RAB31: variants seen among roughly 807,000 people sequenced by gnomAD.
The protein encoded by RAB31 is RAB31, member RAS oncogene family.
Under a neutral mutation model 25.6 loss-of-function variants are expected in RAB31, and 21 were observed. That is an observed-to-expected ratio of 0.82 (90% CI 0.58 to 1.18). The LOEUF (loss-of-function observed/expected upper bound fraction) is 1.18, where lower values mean the gene tolerates loss of function less well. Ranked by LOEUF, RAB31 falls within the 50% of genes most tolerant of loss-of-function variation. The pLI is 0.00. For missense variants in RAB31, 196 were observed against 250.1 expected, an observed-to-expected ratio of 0.78 and a Z score of 1.46; for synonymous variants, 87 against 84.0, an observed-to-expected ratio of 1.04 and a Z score of -0.20.
rs3039670 is a variant in RAB31 at position 9,801,284 on chromosome 18, A to ATTT, written c.201+9063_201+9065dup. ...CATTCATGTACAATTCTTTGTGTAG[A>ATTT]TTTTTTTTTTTTTTTTGAGATGGAG... is the stretch of plus-strand genomic sequence containing the variant. On this transcript the variant is annotated intron_variant, in intron 3 of 6. Transcript: ENST00000578921. Among the ~76,000 whole-genome samples, 102 of 141,180 alleles carry ATTT rather than the reference A, an allele frequency of 7.2e-4. 1 individual carries two copies. Among genetic ancestry groups the ATTT allele is most frequent in the African/African-American group, 2.2e-3 (86 of 38,312 alleles). The allele number at this position is 141,180 out of a possible 152,430, so 92.6% of individuals were successfully genotyped here.
intron 5 of RAB31, among the ~76,000 whole-genome samples, chr18:9,840,975 G>T (rs62081250): frequency 0.35 from 53,049 of 151,542 alleles, 10,678 homozygotes; most frequent in Non-Finnish European, 0.45. Context: ...TTACCCAAGC[G>T]AGAGTGCAGT....
chr18:9,819,376 A>T (rs1483745185), intron 5 of RAB31, among the ~76,000 whole-genome samples: 1 of 152,062 alleles, frequency 6.6e-6, no homozygotes, highest in Non-Finnish European at 1.5e-5. Flanking sequence ...AAAGCAGTCA[A>T]CCATAAATGT....
chr18:9,746,263 T>C (rs371178942), intron 1 of RAB31, among the ~76,000 whole-genome samples: 5 of 152,264 alleles, frequency 3.3e-5, no homozygotes, highest in African/African-American at 1.2e-4. Context: ...CTGAAAGAAA[T>C]CAAAGAAGAC....
chr18:9,798,336 A>ATTTTTTTC (rs200759826), intron 3 of RAB31, among the ~76,000 whole-genome samples: 2,846 of 152,248 alleles, frequency 0.019, 99 homozygotes, highest in African/African-American at 0.065. Flanking sequence ...CTCTCCAGTA[A>ATTTTTTTC]TGGCAATTTT....
chr18:9,734,525 G>A (rs1329783364), intron 1 of RAB31, among the ~76,000 whole-genome samples: 2 of 152,234 alleles, frequency 1.3e-5, no homozygotes, highest in African/African-American at 2.4e-5. Flanking sequence ...AAGCCTGGCA[G>A]CCTGGGGAGC....
chr18:9,732,528 T>A (rs1356097425), intron 1 of RAB31, among the ~76,000 whole-genome samples: 1 of 152,194 alleles, frequency 6.6e-6, no homozygotes, highest in Admixed American at 6.5e-5. Flanking sequence ...TGCAGTGAGG[T>A]GGGTCCTGGA....
At chr18:9,733,228 T>C (rs2068132368) in intron 1 of RAB31, among the ~76,000 whole-genome samples, 1 of 152,204 alleles carries the variant, frequency 6.6e-6, no homozygotes, top group African/African-American at 2.4e-5. Context: ...TAGGAATAAA[T>C]TGAGCTTAAC....
chr18:9,732,226 G>A (rs1283276007), intron 1 of RAB31, among the ~76,000 whole-genome samples: 2 of 152,164 alleles, frequency 1.3e-5, no homozygotes, highest in African/African-American at 2.4e-5. Flanking sequence ...CCAGGGGGAC[G>A]TGGAGTCACA....
At chr18:9,822,673 T>A (rs1251196595) in intron 5 of RAB31, among the ~76,000 whole-genome samples, 1 of 152,108 alleles carries the variant, frequency 6.6e-6, no homozygotes, top group Non-Finnish European at 1.5e-5. Context: ...CCTGAGAGAA[T>A]AGGAAGATGG....
chr18:9,719,351 T>G (rs2068062969), intron 1 of RAB31, among the ~76,000 whole-genome samples: 1 of 121,420 alleles, frequency 8.2e-6, no homozygotes, highest in Non-Finnish European at 1.6e-5. Context: ...TTGATCTAAT[T>G]ATGAGGGAGG....
intron 1 of RAB31, among the ~76,000 whole-genome samples, chr18:9,753,094 A>G (rs780651460): frequency 9.2e-5 from 14 of 152,264 alleles, no homozygotes; most frequent in East Asian, 1.9e-4. Flanking sequence ...AGTTGTCTAT[A>G]CTTATTTGCA....
chr18:9,846,866 T>A (rs2068764629), intron 6 of RAB31, among the ~76,000 whole-genome samples: 1 of 152,186 alleles, frequency 6.6e-6, no homozygotes, highest in South Asian at 2.1e-4. Context: ...GCAAAAGAAA[T>A]GTGCAAAAGA....
chr18:9,826,099 G>A (rs1275721188), intron 5 of RAB31, among the ~76,000 whole-genome samples: 1 of 152,112 alleles, frequency 6.6e-6, no homozygotes, highest in African/African-American at 2.4e-5. Flanking sequence ...ATTATTGGCT[G>A]GTCAGGGTGG....
intron 1 of RAB31, among the ~76,000 whole-genome samples, chr18:9,721,780 T>G (rs2068074852): frequency 6.6e-6 from 1 of 151,902 alleles, no homozygotes; most frequent in Non-Finnish European, 1.5e-5. Flanking sequence ...GAGCTGATAT[T>G]CTAGTAGGGG....
intron 6 of RAB31, among the ~76,000 whole-genome samples, chr18:9,857,886 G>A (rs899850958): frequency 2.6e-5 from 4 of 151,582 alleles, no homozygotes; most frequent in African/African-American, 4.8e-5. Flanking sequence ...AAAATTTATC[G>A]GGGCATGGTG....
intron 5 of RAB31, among the ~76,000 whole-genome samples, chr18:9,831,635 G>A (rs1452658834): frequency 2.0e-5 from 3 of 152,226 alleles, no homozygotes; most frequent in Non-Finnish European, 4.4e-5. Context: ...ACGGCGCTGT[G>A]GCATGGCCCT....
At chr18:9,741,730 T>C (rs1262992352) in intron 1 of RAB31, among the ~76,000 whole-genome samples, 2 of 152,196 alleles carry the variant, frequency 1.3e-5, no homozygotes. Flanking sequence ...GTCCTGCTGC[T>C]CCAGCAGCCC....
At chr18:9,721,821 C>T (rs1966587235) in intron 1 of RAB31, among the ~76,000 whole-genome samples, 1 of 151,828 alleles carries the variant, frequency 6.6e-6, no homozygotes, top group Non-Finnish European at 1.5e-5. Flanking sequence ...CCGAGTGTGG[C>T]AGATGGTGAG....
chr18:9,846,230 G>A (rs2068761316), intron 6 of RAB31, among the ~76,000 whole-genome samples: 1 of 152,162 alleles, frequency 6.6e-6, no homozygotes, highest in Non-Finnish European at 1.5e-5. Flanking sequence ...CTCCTTCCTG[G>A]TCCCAGTGCT....
Sources: allele counts gnomAD v4.1 joint callset (sites outside exome capture counted in the v4.1 genomes callset), GRCh38; gene constraint gnomAD v4.1.1; transcripts MANE v1.5; gene names NCBI Gene and HGNC (gene_info 2026-07-23, HGNC 2026-07-21).